NTM: variants seen among roughly 807,000 people sequenced by gnomAD.
NTM encodes neurotrimin, also known as IgLON family member 2.
In NTM, 13 loss-of-function variants were observed where a neutral mutation model predicts 42.1. The ratio of observed to expected loss-of-function variants is 0.31; its 90% CI spans 0.20 to 0.49. The LOEUF is 0.49. NTM is among the 20% of genes least tolerant of loss of function. The pLI is 0.99. For synonymous variants in NTM, 187 were observed against 179.2 expected (o/e 1.04, Z -0.35); for missense variants, 373 against 452.8 (o/e 0.82, Z 1.60).
chr11:131,713,480 T>C (rs78605990), intron 1 of NTM, among the ~76,000 whole-genome samples: 2,917 of 152,344 alleles, frequency 0.019, 85 homozygotes, highest in African/African-American at 0.065. Flanking sequence ...TAAGCGATTT[T>C]CTTAACTTCT....
At chr11:131,576,568 C>T (rs182068079) in intron 1 of NTM, among the ~76,000 whole-genome samples, 1 of 152,128 alleles carries the variant, frequency 6.6e-6, no homozygotes, top group Non-Finnish European at 1.5e-5. Context: ...TCACACCAAC[C>T]CTTCAACGAC....
At chr11:131,546,418 G>T (rs543272754) in intron 1 of NTM, among the ~76,000 whole-genome samples, 3 of 152,100 alleles carry the variant, frequency 2.0e-5, no homozygotes, top group African/African-American at 7.2e-5. Context: ...GCATCCCATC[G>T]CAAGAGACCT....
At chr11:131,848,683 G>T (rs2045201241) in intron 1 of NTM, among the ~76,000 whole-genome samples, 1 of 152,158 alleles carries the variant, frequency 6.6e-6, no homozygotes, top group Non-Finnish European at 1.5e-5. Context: ...TTTACAAAGA[G>T]CTTTCACATC....
At chr11:132,268,497 A>G (rs1020798997) in intron 4 of NTM, among the ~76,000 whole-genome samples, 26 of 152,076 alleles carry the variant, frequency 1.7e-4, no homozygotes, top group African/African-American at 2.9e-4. Flanking sequence ...TTGGCATACA[A>G]TCGTGTTTGG....
chr11:131,457,138 G>C (rs916918299), intron 1 of NTM, among the ~76,000 whole-genome samples: 15 of 152,226 alleles, frequency 9.9e-5, no homozygotes, highest in African/African-American at 4.8e-5. Context: ...CCATGAGAGA[G>C]TTGCTCTCCT....
intron 1 of NTM, among the ~76,000 whole-genome samples, chr11:131,477,777 A>G (rs1347315278): frequency 1.3e-5 from 2 of 151,786 alleles, no homozygotes; most frequent in Admixed American, 6.6e-5. Flanking sequence ...AACTGCATGT[A>G]TCAGTCTACT....
chr11:131,850,532 A>G (rs941569429), intron 1 of NTM, among the ~76,000 whole-genome samples: 1 of 152,178 alleles, frequency 6.6e-6, no homozygotes, highest in African/African-American at 2.4e-5. Context: ...CCTTTCCTTA[A>G]AATGAAAGTT....
chr11:131,796,193 G>C (rs2091536845), intron 1 of NTM: 2 of 983,744 alleles, frequency 2.0e-6, no homozygotes, highest in Admixed American at 6.1e-5. Flanking sequence ...CAAAGGAAAA[G>C]GTTAAGGTGG....
intron 2 of NTM, among the ~76,000 whole-genome samples, chr11:132,036,835 G>A (rs2076567315): frequency 6.6e-6 from 1 of 152,164 alleles, no homozygotes; most frequent in Non-Finnish European, 1.5e-5. Context: ...GTCTAACATA[G>A]GTGGATTCCT....
intron 1 of NTM, among the ~76,000 whole-genome samples, chr11:131,598,063 G>A (rs2458777): frequency 0.43 from 64,650 of 152,040 alleles, 15,984 homozygotes; most frequent in East Asian, 0.61. Context: ...CTCCATGGAG[G>A]AGCAGGGCAA....
intron 8 of NTM, among the ~76,000 whole-genome samples, chr11:132,330,709 AT>A (rs2095787199): frequency 6.6e-6 from 1 of 152,142 alleles, no homozygotes; most frequent in African/African-American, 2.4e-5. Flanking sequence ...GATGTTTCCG[AT>A]GGATAATTGA....
intron 3 of NTM, among the ~76,000 whole-genome samples, chr11:132,183,654 G>GAT (rs2077937989): frequency 6.6e-6 from 1 of 152,006 alleles, no homozygotes; most frequent in Non-Finnish European, 1.5e-5. Context: ...GAAAGCACCA[G>GAT]ACAAGTATAT....
intron 7 of NTM, among the ~76,000 whole-genome samples, chr11:132,329,052 G>A (rs551185347): frequency 2.0e-5 from 3 of 152,288 alleles, no homozygotes; most frequent in East Asian, 1.9e-4. Flanking sequence ...GAGGGATATC[G>A]TGTGTCAGGT....
chr11:131,707,766 G>T (rs1366867134), intron 1 of NTM, among the ~76,000 whole-genome samples: 1 of 152,014 alleles, frequency 6.6e-6, no homozygotes, highest in Non-Finnish European at 1.5e-5. Flanking sequence ...GGTACAGAAA[G>T]AATGTACTTC....
intron 1 of NTM, among the ~76,000 whole-genome samples, chr11:131,645,971 TATC>T (rs1454142330): frequency 6.6e-6 from 1 of 152,242 alleles, no homozygotes; most frequent in African/African-American, 2.4e-5. Context: ...TGAAACCTAA[TATC>T]AACCTTAGCT....
At chr11:132,129,737 A>C (rs1297001620) in intron 2 of NTM, among the ~76,000 whole-genome samples, 2 of 152,226 alleles carry the variant, frequency 1.3e-5, no homozygotes, top group African/African-American at 2.4e-5. Flanking sequence ...TCATTTCAAA[A>C]TGGGGCTCCT....
At chr11:132,278,875 A>T (rs183685044) in intron 4 of NTM, among the ~76,000 whole-genome samples, 3 of 151,458 alleles carry the variant, frequency 2.0e-5, no homozygotes, top group Admixed American at 2.0e-4. Flanking sequence ...ATTTCATTCA[A>T]CCCCGCAGCT....
chr11:132,166,907 G>C (rs1002548840), intron 3 of NTM, among the ~76,000 whole-genome samples: 4 of 152,170 alleles, frequency 2.6e-5, no homozygotes, highest in Admixed American at 6.5e-5. Flanking sequence ...GTTGTCATCT[G>C]TTTAGTGTTT....
intron 1 of NTM, among the ~76,000 whole-genome samples, chr11:131,841,518 G>A (rs1273656190): frequency 6.6e-6 from 1 of 152,166 alleles, no homozygotes; most frequent in Non-Finnish European, 1.5e-5. Flanking sequence ...TGATGCCCAG[G>A]CCATACCCCA....
Sources: gnomAD v4.1 joint callset for allele counts (sites outside exome capture counted in the v4.1 genomes callset) on GRCh38, gnomAD v4.1.1 for gene constraint, MANE v1.5 for transcripts, NCBI Gene and HGNC (gene_info 2026-07-23, HGNC 2026-07-21) for gene names.